The following MACROD1 variants were observed in gnomAD, a reference collection of about 807,000 sequenced individuals.
MACROD1 encodes mono-ADP ribosylhydrolase 1.
In MACROD1, 31 loss-of-function variants were observed where a neutral mutation model predicts 41.4. The ratio of observed to expected loss-of-function variants is 0.75; its 90% CI spans 0.56 to 1.01. The LOEUF (loss-of-function observed/expected upper bound fraction) is 1.01, where lower values mean the gene tolerates loss of function less well. MACROD1 is among the 50% of genes least tolerant of loss of function. MACROD1 has a pLI of 0.00. For synonymous variants in MACROD1, 252 were observed against 203.4 expected, an observed-to-expected ratio of 1.24 and a Z score of -2.03; for missense variants, 473 against 460.0, an observed-to-expected ratio of 1.03 and a Z score of -0.26.
intron 6 of MACROD1, 22 bp downstream of exon 6, chr11:63,999,620 T>C: frequency 1.2e-6 from 2 of 1,608,914 alleles, no homozygotes; most frequent in Non-Finnish European, 1.7e-6. Context: ...CCTCCCGCCC[T>C]CCCCCGCGGG....
intron 4 of MACROD1, among the ~76,000 whole-genome samples, chr11:64,002,178 T>G (rs1409786982): frequency 6.6e-6 from 1 of 152,038 alleles, no homozygotes; most frequent in Non-Finnish European, 1.5e-5. Context: ...AGCCCAGGGA[T>G]CTGTCTGAGC....
rs1207800260 is a variant in MACROD1 at position 64,015,252 on chromosome 11, C to T, written c.547G>A (p.Val183Met). 19 of 1,602,712 alleles carry T rather than the reference C, an allele frequency of 1.2e-5. No individual in the cohort carries two copies. Among genetic ancestry groups the T allele is most frequent in the African/African-American group, 4.0e-5 (3 of 74,486 alleles). ...CCACCAAGACAGAAGGTCCACTCAC[C>T]GCCACCGCCTCCGAGCAGGGAGCTG... ...ANSSLLGGGGVDGCIHRAAGP... is the reference protein window; with the variant it reads ...ANSSLLGGGGMDGCIHRAAGP... Residue 183 changes from valine (V) to methionine (M), a missense_variant and splice_region_variant, in exon 4 of 11, where the codon GTG (valine) becomes ATG (methionine). Val to Met is a conservative substitution (Grantham distance 21). Coordinates refer to ENST00000255681, the MANE Select transcript of MACROD1 (RefSeq NM_014067.4).
intron 3 of MACROD1, among the ~76,000 whole-genome samples, chr11:64,032,907 T>C (rs966073995): frequency 1.3e-5 from 2 of 152,194 alleles, no homozygotes; most frequent in African/African-American, 4.8e-5. Flanking sequence ...CCATCCTGGC[T>C]GACACCAGCC....
intron 3 of MACROD1, chr11:64,104,268 T>C (rs138936866): frequency 6.6e-6 from 1 of 152,312 alleles, no homozygotes; most frequent in Non-Finnish European, 1.5e-5. Flanking sequence ...GACAGCTGGG[T>C]TGCACCCTCC....
chr11:64,005,933 C>T lies in MACROD1; in HGVS notation c.548-5590G>A, dbSNP rs77986519. 2.0e-3 allele frequency among the ~76,000 whole-genome samples: 306 copies of T among 152,332 alleles called. 9 individuals are homozygous for T. The East Asian group carries it at 0.045, about 22-fold the overall frequency. On this transcript the variant is annotated intron_variant, in intron 4 of 10. Transcript: ENST00000255681. Reference sequence around the variant, plus strand: ...GGGTCTGGGCTCCAGGGACCACTCCCGCCTGGACGGGCTGGGCACAGCCTG... The same window carrying T: ...GGGTCTGGGCTCCAGGGACCACTCCTGCCTGGACGGGCTGGGCACAGCCTG...
At chr11:64,006,427 C>T (rs763090799) in intron 4 of MACROD1, among the ~76,000 whole-genome samples, 4 of 152,354 alleles carry the variant, frequency 2.6e-5, no homozygotes, top group East Asian at 1.9e-4. Context: ...CCCACCCTCT[C>T]GGTGCCAAGG....
intron 3 of MACROD1, among the ~76,000 whole-genome samples, chr11:64,080,928 C>A (rs1944291653): frequency 6.6e-6 from 1 of 152,210 alleles, no homozygotes; most frequent in Non-Finnish European, 1.5e-5. Context: ...ATCCCCACTG[C>A]TCCTGAAGTC....
At chr11:64,076,333 G>A (rs1212656957) in intron 3 of MACROD1, among the ~76,000 whole-genome samples, 1 of 152,218 alleles carries the variant, frequency 6.6e-6, no homozygotes, top group East Asian at 1.9e-4. Flanking sequence ...TTAGGGACAG[G>A]GACAGGTCTG....
chr11:64,057,405 C>T (rs1943809651), intron 3 of MACROD1, among the ~76,000 whole-genome samples: 1 of 152,186 alleles, frequency 6.6e-6, no homozygotes, highest in African/African-American at 2.4e-5. Context: ...TGGGGAGTGA[C>T]CCACATGGTG....
At chr11:64,033,614 G>A (rs1943322217) in intron 3 of MACROD1, among the ~76,000 whole-genome samples, 1 of 152,034 alleles carries the variant, frequency 6.6e-6, no homozygotes, top group Non-Finnish European at 1.5e-5. Flanking sequence ...GCCGAGTTGG[G>A]TGGATCACCT....
chr11:64,047,484 T>C (rs1243130629), intron 3 of MACROD1, among the ~76,000 whole-genome samples: 1 of 152,136 alleles, frequency 6.6e-6, no homozygotes, highest in East Asian at 1.9e-4. Flanking sequence ...AGTGACCAGC[T>C]TGGCATTCCC....
chr11:64,155,892 T>C (rs1414258592), intron 1 of MACROD1, among the ~76,000 whole-genome samples: 1 of 152,026 alleles, frequency 6.6e-6, no homozygotes, highest in Non-Finnish European at 1.5e-5. Context: ...GTGGATCACC[T>C]GACATCAGGA....
At chr11:64,002,408 G>A (rs1942841540) in intron 4 of MACROD1, among the ~76,000 whole-genome samples, 1 of 152,174 alleles carries the variant, frequency 6.6e-6, no homozygotes. Context: ...GAGGGAGCTG[G>A]AATCAATGCT....
At chr11:64,141,590 T>C (rs560778761) in intron 3 of MACROD1, among the ~76,000 whole-genome samples, 3 of 152,198 alleles carry the variant, frequency 2.0e-5, no homozygotes, top group Non-Finnish European at 4.4e-5. Context: ...TCCAGCCCTT[T>C]TCATGCTTGG....
At chr11:64,148,119 A>AG (rs1945522010) in intron 3 of MACROD1, among the ~76,000 whole-genome samples, 1 of 151,864 alleles carries the variant, frequency 6.6e-6, no homozygotes, top group Non-Finnish European at 1.5e-5. Context: ...GGGGGCGGGC[A>AG]GGGGGACACC....
intron 1 of MACROD1, among the ~76,000 whole-genome samples, chr11:64,153,071 A>AC (rs926220752): frequency 2.0e-5 from 3 of 149,892 alleles, no homozygotes; most frequent in Non-Finnish European, 3.0e-5. Flanking sequence ...GGAGCCAGGC[A>AC]CCCCCCACCC....
At chr11:64,076,413 C>T (rs773256179) in intron 3 of MACROD1, among the ~76,000 whole-genome samples, 46 of 152,198 alleles carry the variant, frequency 3.0e-4, no homozygotes, top group Admixed American at 1.3e-4. Context: ...GTGCTTGGCA[C>T]ATCACAGGTG....
chr11:64,083,524 C>T (rs536571543), intron 3 of MACROD1, among the ~76,000 whole-genome samples: 19 of 152,314 alleles, frequency 1.2e-4, no homozygotes, highest in African/African-American at 4.6e-4. Flanking sequence ...TTTTCCATCC[C>T]GTCTCCCTCC....
chr11:64,063,610 A>AAG (rs1943943769), intron 3 of MACROD1, among the ~76,000 whole-genome samples: 1 of 152,172 alleles, frequency 6.6e-6, no homozygotes. Flanking sequence ...AAGCTCACGT[A>AAG]GGAATGAAAC....
Sources: allele counts gnomAD v4.1 joint callset (sites outside exome capture counted in the v4.1 genomes callset), GRCh38; gene constraint gnomAD v4.1.1; transcripts MANE v1.5; gene names NCBI Gene and HGNC (gene_info 2026-07-23, HGNC 2026-07-21).